Variants in PPP1R1C observed in about 807,000 individuals in gnomAD.
The protein encoded by PPP1R1C is protein phosphatase 1 regulatory inhibitor subunit 1C, also known as protein phosphatase 1 regulatory subunit 1C.
PPP1R1C carries 15 observed loss-of-function variants against 17.4 expected under a neutral mutation model. The observed-to-expected ratio is 0.86, with a 90% CI of 0.58 to 1.33. The LOEUF (loss-of-function observed/expected upper bound fraction) is 1.33. Ranked by LOEUF, PPP1R1C falls within the 40% of genes most tolerant of loss-of-function variation. PPP1R1C has a pLI of 0.00. For missense variants in PPP1R1C, 143 were observed against 130.0 expected, an observed-to-expected ratio of 1.10 and a Z score of -0.48; for synonymous variants, 35 against 43.1, an observed-to-expected ratio of 0.81 and a Z score of 0.73.
intron 3 of PPP1R1C, among the ~76,000 whole-genome samples, chr2:182,061,866 A>C (rs1687860578): frequency 6.6e-6 from 1 of 152,064 alleles, no homozygotes; most frequent in Non-Finnish European, 1.5e-5. Context: ...TGTGGAGCCA[A>C]AAGTCTGAGG....
intron 2 of PPP1R1C, among the ~76,000 whole-genome samples, chr2:182,027,794 TCCTCCTTGTA>T (rs2125168150): frequency 6.7e-6 from 1 of 149,832 alleles, no homozygotes; most frequent in African/African-American, 2.5e-5. Flanking sequence ...TGGTACCAGT[TCCTCCTTGTA>T]CCTCTGGTAG....
chr2:182,029,420 T>G (rs1187965060), intron 2 of PPP1R1C, among the ~76,000 whole-genome samples: 1 of 152,056 alleles, frequency 6.6e-6, no homozygotes, highest in Non-Finnish European at 1.5e-5. Context: ...GGTGACCAAA[T>G]CTCTCAGCAT....
chr2:182,056,024 G>A (rs1203497513), intron 2 of PPP1R1C, among the ~76,000 whole-genome samples: 1 of 152,020 alleles, frequency 6.6e-6, no homozygotes, highest in Non-Finnish European at 1.5e-5. Flanking sequence ...TTGTCATCTA[G>A]AATGAGATCC....
intron 4 of PPP1R1C, among the ~76,000 whole-genome samples, chr2:182,114,104 C>T (rs1394269978): frequency 6.6e-6 from 1 of 152,082 alleles, no homozygotes; most frequent in Non-Finnish European, 1.5e-5. Context: ...ATATCCTTGT[C>T]TTCTAAATGG....
At chr2:182,018,200 A>C (rs905172467) in intron 2 of PPP1R1C, among the ~76,000 whole-genome samples, 27 of 152,306 alleles carry the variant, frequency 1.8e-4, no homozygotes, top group African/African-American at 6.5e-4. Context: ...AAACATTGAG[A>C]GTATAATTCC....
At chr2:181,969,986 T>G (rs1684975493) in intron 1 of PPP1R1C, among the ~76,000 whole-genome samples, 1 of 152,238 alleles carries the variant, frequency 6.6e-6, no homozygotes, top group Admixed American at 6.5e-5. Context: ...TAAATTTATC[T>G]GATAAGATTC....
At chr2:182,055,937 A>G (rs1468023030) in intron 2 of PPP1R1C, among the ~76,000 whole-genome samples, 1 of 152,166 alleles carries the variant, frequency 6.6e-6, no homozygotes, top group Non-Finnish European at 1.5e-5. Context: ...ACTCCTTGTG[A>G]ATGGGAGTTT....
chr2:182,102,411 CAAT>C (rs569694251), intron 4 of PPP1R1C, among the ~76,000 whole-genome samples: 157 of 152,278 alleles, frequency 1.0e-3, no homozygotes, highest in Middle Eastern at 3.4e-3. Flanking sequence ...CGCACATTCT[CAAT>C]GATCTCATTT....
intron 2 of PPP1R1C, among the ~76,000 whole-genome samples, chr2:182,011,807 T>TTG (rs1686095324): frequency 6.6e-6 from 1 of 152,054 alleles, no homozygotes; most frequent in African/African-American, 2.4e-5. Context: ...TTTTGGTATG[T>TTG]TGTGTTTCTA....
At chr2:182,110,132 C>A (rs548972163) in intron 4 of PPP1R1C, among the ~76,000 whole-genome samples, 31 of 152,028 alleles carry the variant, frequency 2.0e-4, no homozygotes, top group African/African-American at 6.8e-4. Flanking sequence ...GTTTTTACCA[C>A]AAATAAATTA....
chr2:181,963,599 T>C (rs1239943395), intron 1 of PPP1R1C, among the ~76,000 whole-genome samples: 1 of 152,142 alleles, frequency 6.6e-6, no homozygotes, highest in African/African-American at 2.4e-5. Flanking sequence ...GAGCCAAGAT[T>C]GGGCCACTGC....
intron 2 of PPP1R1C, among the ~76,000 whole-genome samples, chr2:182,033,077 T>G (rs1239157485): frequency 1.3e-5 from 2 of 152,190 alleles, no homozygotes; most frequent in Non-Finnish European, 2.9e-5. Flanking sequence ...AATTGCCAAA[T>G]CCAGTAATCA....
chr2:182,047,991 T>C (rs1048260305), intron 2 of PPP1R1C, among the ~76,000 whole-genome samples: 1 of 152,106 alleles, frequency 6.6e-6, no homozygotes, highest in African/African-American at 2.4e-5. Flanking sequence ...TACCAGGTTC[T>C]TATTGGCATC....
At chr2:182,121,420 A>T (rs1559101699), downstream of PPP1R1C, among the ~76,000 whole-genome samples, 1 of 152,130 alleles carries the variant, frequency 6.6e-6, no homozygotes, top group Non-Finnish European at 1.5e-5. Flanking sequence ...AACTTTATCT[A>T]CTTCATGATC....
At chr2:182,012,684 A>G (rs901147311) in intron 2 of PPP1R1C, among the ~76,000 whole-genome samples, 5 of 151,798 alleles carry the variant, frequency 3.3e-5, no homozygotes, top group Admixed American at 1.3e-4. Flanking sequence ...GTCTTCCTTC[A>G]GTCCTTGTCT....
At chr2:181,992,365 C>T (rs1685497685) in intron 2 of PPP1R1C, among the ~76,000 whole-genome samples, 1 of 134,776 alleles carries the variant, frequency 7.4e-6, no homozygotes, top group Non-Finnish European at 1.7e-5. Flanking sequence ...TTCTCAATCT[C>T]CCTAAGGGCT....
At chr2:182,000,297 A>T (rs539932277) in intron 2 of PPP1R1C, among the ~76,000 whole-genome samples, 5 of 152,276 alleles carry the variant, frequency 3.3e-5, no homozygotes, top group Admixed American at 2.0e-4. Context: ...ATGGGATAGA[A>T]ACGGGGTTGG....
rs141629009 is a variant in PPP1R1C, at chr2:182,085,510, G to A, written c.241+21719G>A. On this transcript the variant is annotated intron_variant, in intron 4 of 4. Transcript: ENST00000682840. ...CTTCAGCCCCCATTCGAGTATGAAC[G>A]TGAATATGGGTGCCAAAGATGGTAC... Among the ~76,000 whole-genome samples, 350 of 152,174 alleles carry A rather than the reference G, an allele frequency of 2.3e-3. 1 individual carries two copies. The highest frequency in any genetic ancestry group is 7.5e-3 in the African/African-American group (311 of 41,532).
At chr2:182,027,920 A>T (rs1574390505) in intron 2 of PPP1R1C, among the ~76,000 whole-genome samples, 1 of 130,686 alleles carries the variant, frequency 7.7e-6, no homozygotes, top group South Asian at 2.8e-4. Context: ...AGATTCAACT[A>T]CTTCCTGGTT....
Sources: allele counts gnomAD v4.1 joint callset (sites outside exome capture counted in the v4.1 genomes callset), GRCh38; gene constraint gnomAD v4.1.1; transcripts MANE v1.5; gene names NCBI Gene and HGNC (gene_info 2026-07-23, HGNC 2026-07-21).